FMN1: variants seen among roughly 807,000 people sequenced by gnomAD.
FMN1 encodes the protein formin 1.
In FMN1, 110 loss-of-function variants were observed where a neutral mutation model predicts 132.4. The ratio of observed to expected loss-of-function variants is 0.83; its 90% CI spans 0.71 to 0.97. The LOEUF (loss-of-function observed/expected upper bound fraction) is 0.97. FMN1 is among the 50% of genes least tolerant of loss of function. The pLI is 0.00. For missense variants in FMN1, 1,792 were observed against 1,705.3 expected, an observed-to-expected ratio of 1.05 and a Z score of -0.90; for synonymous variants, 722 against 651.7, an observed-to-expected ratio of 1.11 and a Z score of -1.64.
At chr15:32,957,298 C>CTTTTTTTTTTTTTTTTT (rs869111673) in intron 9 of FMN1, among the ~76,000 whole-genome samples, 1 of 84,192 alleles carries the variant, frequency 1.2e-5, no homozygotes, top group African/African-American at 4.5e-5. Flanking sequence ...CAGAGCAGTT[C>CTTTTTTTTTTTTTTTTT]TTTTTTTTTT....
chr15:33,019,978 C>T (rs906226681), intron 6 of FMN1, among the ~76,000 whole-genome samples: 5 of 152,300 alleles, frequency 3.3e-5, no homozygotes, highest in East Asian at 3.9e-4. Context: ...GCGCCAAGGC[C>T]GAGGAGGCAC....
rs1010479827 is a variant in FMN1 at position 33,088,965 on chromosome 15, G to A, written c.1877C>T (p.Ser626Phe). 3.9e-6 allele frequency: 6 copies of A among 1,534,220 alleles called. No individual in the cohort carries two copies. In the African/African-American group the frequency reaches 6.9e-5, roughly 18 times the overall value. ...GAAGCCGTCCCAGGGAAAGCCCTCAGAGGAGATACCTAAACAAACACAGAG... is the reference window on the plus strand; with the variant it reads ...GAAGCCGTCCCAGGGAAAGCCCTCAAAGGAGATACCTAAACAAACACAGAG... ...PQHQSPPGIS[S>F]EGFPWDGFNE... The change falls in exon 5 of 21, where the codon TCT (serine) becomes TTT (phenylalanine). Residue 626 changes from serine to phenylalanine, a missense_variant. Physicochemically the swap from Ser to Phe is radical, Grantham distance 155 (BLOSUM62 -2). Coordinates refer to ENST00000616417, the MANE Select transcript of FMN1 (RefSeq NM_001277313.2).
chr15:33,119,118 A>C (rs549233178), intron 4 of FMN1, among the ~76,000 whole-genome samples: 1 of 152,234 alleles, frequency 6.6e-6, no homozygotes, highest in Admixed American at 6.5e-5. Context: ...CATAAAAACT[A>C]GAAAGCTAAA....
chr15:32,831,385 T>C (rs1458557108), intron 17 of FMN1, among the ~76,000 whole-genome samples: 1 of 152,084 alleles, frequency 6.6e-6, no homozygotes, highest in Non-Finnish European at 1.5e-5. Context: ...CCGTTGCTAA[T>C]AATATAACGC....
chr15:32,831,243 G>C (rs1231464847), intron 17 of FMN1, among the ~76,000 whole-genome samples: 3 of 151,572 alleles, frequency 2.0e-5, no homozygotes, highest in African/African-American at 4.9e-5. Flanking sequence ...TTTTGAGACA[G>C]GGTTTCGCTG....
intron 9 of FMN1, among the ~76,000 whole-genome samples, chr15:32,936,443 A>T (rs1426838867): frequency 6.6e-6 from 1 of 152,212 alleles, no homozygotes. Context: ...TACGTATGTG[A>T]ATTCCCAATT....
chr15:33,185,546 A>T (rs1296359548), intron 2 of FMN1, among the ~76,000 whole-genome samples: 3 of 141,764 alleles, frequency 2.1e-5, no homozygotes, highest in Admixed American at 6.9e-5. Flanking sequence ...ATTTGTAGTA[A>T]TTTTTTTTTA....
rs746622362 is a variant in FMN1, at chr15:32,772,993, G to A, written c.*1317C>T. 6 of 152,144 alleles carry A rather than the reference G, an allele frequency of 3.9e-5. No individual in the cohort carries two copies. Among genetic ancestry groups the A allele is most frequent in the Non-Finnish European group, 8.8e-5 (6 of 68,050 alleles). 9.4% of individuals were successfully genotyped at this position (152,144 alleles called of 1,614,324 possible). On this transcript the variant is annotated 3_prime_UTR_variant, in exon 21 of 21. Transcript: ENST00000616417. ...TCCACCAATTGGGGGGAGAAAGCTC[G>A]GCCTCTTCAAGGCCTAAAAATGAGT...
intron 4 of FMN1, among the ~76,000 whole-genome samples, chr15:33,120,130 G>T (rs1363942597): frequency 1.3e-5 from 2 of 152,186 alleles, no homozygotes; most frequent in African/African-American, 4.8e-5. Flanking sequence ...CTATTTCCAA[G>T]GACATACCCA....
At chr15:32,856,938 G>T (rs932623288) in intron 17 of FMN1, 77 bp downstream of exon 17, 2 of 1,044,998 alleles carry the variant, frequency 1.9e-6, no homozygotes, top group Non-Finnish European at 3.0e-6. Context: ...GCCAGGGGCC[G>T]TGGGCCTCAG....
chr15:33,011,398 T>C lies in FMN1; in HGVS notation c.2162-3323A>G, dbSNP rs903647132. Among the ~76,000 whole-genome samples, 9 of 152,212 alleles carry C rather than the reference T, an allele frequency of 5.9e-5. No individual in the cohort carries two copies. In the South Asian group the frequency reaches 6.2e-4, roughly 11 times the overall value. On this transcript the variant is annotated intron_variant, in intron 6 of 20. Transcript: ENST00000616417. ...AAGACAAAACTGGATCCTAACCTTA[T>C]ACTATAATCTATTAGAAGTCAATTA...
intron 9 of FMN1, among the ~76,000 whole-genome samples, chr15:32,948,960 AT>A: frequency 6.6e-6 from 1 of 151,394 alleles, no homozygotes; most frequent in African/African-American, 2.4e-5. Context: ...AATTTCTTTG[AT>A]TTTTTTGTAT....
chr15:32,774,448 C>G, intron 20 of FMN1, 94 bp from the exon 21 acceptor site: 1 of 980,976 alleles, frequency 1.0e-6, no homozygotes, highest in Non-Finnish European at 1.6e-6. Context: ...GCTGAGTTTC[C>G]GGAATTGTGC....
At chr15:32,902,695 C>G (rs919972593) in intron 12 of FMN1, among the ~76,000 whole-genome samples, 2 of 152,148 alleles carry the variant, frequency 1.3e-5, no homozygotes, top group Admixed American at 6.6e-5. Flanking sequence ...TGTGGCAAGA[C>G]AGATCTTAAA....
chr15:33,040,683 G>C (rs1165570263), intron 6 of FMN1, among the ~76,000 whole-genome samples: 2 of 152,226 alleles, frequency 1.3e-5, no homozygotes, highest in Admixed American at 6.5e-5. Context: ...GATAGAATAT[G>C]TGCTCTAACA....
intron 4 of FMN1, among the ~76,000 whole-genome samples, chr15:33,151,906 A>G (rs1469931082): frequency 6.6e-6 from 1 of 152,256 alleles, no homozygotes; most frequent in African/African-American, 2.4e-5. Flanking sequence ...AAAAGCATTT[A>G]CCACATTTTT....
At chr15:33,061,704 A>G (rs1035175692) in intron 6 of FMN1, among the ~76,000 whole-genome samples, 1 of 152,144 alleles carries the variant, frequency 6.6e-6, no homozygotes, top group African/African-American at 2.4e-5. Flanking sequence ...CTACAATAAG[A>G]TATAGTATAA....
At chr15:33,009,964 G>A (rs989270385) in intron 6 of FMN1, among the ~76,000 whole-genome samples, 3 of 152,082 alleles carry the variant, frequency 2.0e-5, no homozygotes, top group African/African-American at 7.2e-5. Flanking sequence ...TTGGCTCACT[G>A]GAACCTCCAC....
chr15:32,821,399 C>T (rs2058212914), intron 17 of FMN1, among the ~76,000 whole-genome samples: 2 of 150,256 alleles, frequency 1.3e-5, no homozygotes. Context: ...TTTTCCTTTA[C>T]TGGTTTGAAC....
Sources: allele counts gnomAD v4.1 joint callset (sites outside exome capture counted in the v4.1 genomes callset), GRCh38; gene constraint gnomAD v4.1.1; transcripts MANE v1.5; gene names NCBI Gene and HGNC (gene_info 2026-07-23, HGNC 2026-07-21).